Variants in ADGRV1 observed in about 807,000 individuals in gnomAD.
ADGRV1 encodes the protein G-protein coupled receptor 98.
In ADGRV1, 359 loss-of-function variants were observed where a neutral mutation model predicts 596.2. That is an observed-to-expected ratio of 0.60 (90% CI 0.55 to 0.66). The LOEUF is 0.66. Among genes scored for constraint, ADGRV1 ranks in the 30% least tolerant of loss-of-function variants. The pLI is 0.00. For missense variants in ADGRV1, 7,274 were observed against 7,575.6 expected, an observed-to-expected ratio of 0.96 and a Z score of 1.48; for synonymous variants, 2,681 against 2,679.2, an observed-to-expected ratio of 1.00 and a Z score of -0.02.
chr5:90,825,127 G>A (rs991013583), intron 76 of ADGRV1, among the ~76,000 whole-genome samples: 3 of 152,076 alleles, frequency 2.0e-5, no homozygotes, highest in Non-Finnish European at 2.9e-5. Flanking sequence ...AGTAGAGACG[G>A]GGTTTCACCC....
At chr5:91,062,082 A>T (rs1196991344) in intron 85 of ADGRV1, among the ~76,000 whole-genome samples, 1 of 152,140 alleles carries the variant, frequency 6.6e-6, no homozygotes, top group Admixed American at 6.5e-5. Flanking sequence ...CCAGAGCCAC[A>T]TTGTTCTTCT....
At chr5:90,757,833 G>C (rs1324861852) in intron 57 of ADGRV1, among the ~76,000 whole-genome samples, 1 of 152,110 alleles carries the variant, frequency 6.6e-6, no homozygotes, top group Non-Finnish European at 1.5e-5. Flanking sequence ...CCATGAAAAT[G>C]TTAGTAACTT....
chr5:91,063,506 A>G (rs886762188), intron 85 of ADGRV1, among the ~76,000 whole-genome samples: 3 of 152,228 alleles, frequency 2.0e-5, no homozygotes, highest in African/African-American at 4.8e-5. Context: ...GTCAAATCCT[A>G]GAACATGAAG....
At chr5:90,667,521 T>C (rs2149516180) in intron 21 of ADGRV1, among the ~76,000 whole-genome samples, 1 of 148,046 alleles carries the variant, frequency 6.8e-6, no homozygotes, top group South Asian at 2.2e-4. Context: ...TCTAAATTTT[T>C]TTCAAAGTTT....
At chr5:90,804,373 G>T (rs1761699599) in intron 71 of ADGRV1, among the ~76,000 whole-genome samples, 1 of 151,916 alleles carries the variant, frequency 6.6e-6, no homozygotes, top group Non-Finnish European at 1.5e-5. Flanking sequence ...TTGCACTCCA[G>T]CCTGGATGAC....
chr5:90,627,786 ATT>A lies in ADGRV1; in HGVS notation c.1238+13_1238+14del. On this transcript the variant is annotated intron_variant, in intron 7 of 89. Coordinates refer to ENST00000405460, the MANE Select transcript of ADGRV1 (RefSeq NM_032119.4). Reference sequence around the variant, plus strand: ...AAGATAGAATATCAAGGTATGATTTATTTTAAATATATTGCTACCATTATTTT... The same window carrying A: ...AAGATAGAATATCAAGGTATGATTTATTAAATATATTGCTACCATTATTTT... 1 of 1,401,098 alleles carries A rather than the reference ATT, an allele frequency of 7.1e-7. No individual in the cohort carries two copies. The highest frequency in any genetic ancestry group is 9.6e-7 in the Non-Finnish European group (1 of 1,042,362). 86.8% of individuals were successfully genotyped at this position (1,401,098 alleles called of 1,614,324 possible).
intron 70 of ADGRV1, among the ~76,000 whole-genome samples, chr5:90,799,343 TA>T (rs1048012097): frequency 1.3e-5 from 2 of 152,000 alleles, no homozygotes; most frequent in Admixed American, 6.6e-5. Flanking sequence ...ACTAAGAGAA[TA>T]AAATACCTAG....
chr5:90,939,094 G>A lies in ADGRV1; in HGVS notation c.17857-26321G>A, dbSNP rs140400430. ...TGTTTTATTTGTCTATCAATCAAAG[G>A]TGCCAGTTTTAGAAAACATGTTCAC... On this transcript the variant is annotated intron_variant, in intron 83 of 89. Coordinates refer to ENST00000405460, the MANE Select transcript of ADGRV1 (RefSeq NM_032119.4). Among the ~76,000 whole-genome samples the A allele has an allele frequency of 4.6e-5, 7 of 152,300 alleles. No homozygotes were observed. The South Asian group carries it at 6.2e-4, about 14-fold the overall frequency.
chr5:90,629,752 T>A, intron 9 of ADGRV1: 1 of 414,844 alleles, frequency 2.4e-6, no homozygotes, highest in East Asian at 3.7e-5. Context: ...AAAGTTAATA[T>A]TTTAATTAAG....
intron 59 of ADGRV1, among the ~76,000 whole-genome samples, chr5:90,765,066 G>A (rs1258651653): frequency 6.6e-6 from 1 of 152,016 alleles, no homozygotes; most frequent in African/African-American, 2.4e-5. Flanking sequence ...AATCTCTGTG[G>A]ACTCTTGCTG....
At chr5:90,604,572 C>T (rs975863965) in intron 1 of ADGRV1, among the ~76,000 whole-genome samples, 25 of 152,004 alleles carry the variant, frequency 1.6e-4, no homozygotes, top group African/African-American at 5.6e-4. Context: ...TACAAAATTA[C>T]GTTTGTTTGA....
At chr5:90,655,508 A>T (rs1254932246) in intron 20 of ADGRV1, 1 of 152,182 alleles carries the variant, frequency 6.6e-6, no homozygotes, top group Non-Finnish European at 1.5e-5. Context: ...ATACTCTTAT[A>T]CATGTTTTTT....
chr5:90,972,582 C>T (rs1349145732), intron 84 of ADGRV1, among the ~76,000 whole-genome samples: 1 of 152,170 alleles, frequency 6.6e-6, no homozygotes, highest in African/African-American at 2.4e-5. Context: ...GGAAACTGAA[C>T]AACCTGCTCC....
intron 85 of ADGRV1, among the ~76,000 whole-genome samples, chr5:91,024,939 G>A (rs949223532): frequency 1.3e-5 from 2 of 152,094 alleles, no homozygotes; most frequent in African/African-American, 2.4e-5. Flanking sequence ...TCTCCCCATC[G>A]ACTTCCCTGG....
At chr5:90,817,156 T>C (rs1014619345) in intron 75 of ADGRV1, among the ~76,000 whole-genome samples, 3 of 152,034 alleles carry the variant, frequency 2.0e-5, no homozygotes, top group Non-Finnish European at 4.4e-5. Flanking sequence ...ATTTCTCTGA[T>C]GGCCAGTGAT....
At chr5:90,953,355 A>G (rs901368186) in intron 83 of ADGRV1, among the ~76,000 whole-genome samples, 2 of 152,164 alleles carry the variant, frequency 1.3e-5, no homozygotes, top group South Asian at 4.1e-4. Context: ...CAGAAAGCCT[A>G]CCACACTGTA....
At chr5:90,759,058 G>GA (rs762468761) in intron 57 of ADGRV1, among the ~76,000 whole-genome samples, 60 of 152,088 alleles carry the variant, frequency 3.9e-4, no homozygotes, top group Admixed American at 2.2e-3. Context: ...AAAATTTTAA[G>GA]AATAAGGATT....
intron 85 of ADGRV1, among the ~76,000 whole-genome samples, chr5:91,000,668 C>CTCTGTGTGTG (rs372074690): frequency 2.1e-5 from 3 of 141,254 alleles, no homozygotes; most frequent in Admixed American, 7.2e-5. Flanking sequence ...CTTACAGGAT[C>CTCTGTGTGTG]TGTGTGTGTG....
intron 81 of ADGRV1, among the ~76,000 whole-genome samples, chr5:90,854,624 A>G (rs1204988531): frequency 6.6e-6 from 1 of 152,206 alleles, no homozygotes; most frequent in Non-Finnish European, 1.5e-5. Context: ...CATGGCTTGA[A>G]GTACATTTTG....
Sources: allele counts gnomAD v4.1 joint callset (sites outside exome capture counted in the v4.1 genomes callset), GRCh38; gene constraint gnomAD v4.1.1; transcripts MANE v1.5; gene names NCBI Gene and HGNC (gene_info 2026-07-23, HGNC 2026-07-21).